SOX6: variants seen among roughly 807,000 people sequenced by gnomAD.
SOX6 encodes transcription factor SOX-6.
In SOX6, 11 loss-of-function variants were observed where a neutral mutation model predicts 97.8. That is an observed-to-expected ratio of 0.11 (90% CI 0.07 to 0.19). SOX6 has a LOEUF of 0.19. Ranked by LOEUF, SOX6 falls within the 10% of genes least tolerant of loss-of-function variation. The pLI, the probability that SOX6 is intolerant of heterozygous loss-of-function variation, is 1.00. For missense variants in SOX6, 810 were observed against 1,039.5 expected (o/e 0.78, Z 3.04); for synonymous variants, 360 against 371.4 (o/e 0.97, Z 0.35).
At chr11:16,029,109 T>C (rs1378562280) in intron 12 of SOX6, among the ~76,000 whole-genome samples, 1 of 152,192 alleles carries the variant, frequency 6.6e-6, no homozygotes, top group Non-Finnish European at 1.5e-5. Flanking sequence ...TAAAAGCAAG[T>C]GCTTCAACAT....
At chr11:16,651,610 G>C (rs1219966647) in intron 3 of SOX6, among the ~76,000 whole-genome samples, 1 of 152,038 alleles carries the variant, frequency 6.6e-6, no homozygotes, top group Admixed American at 6.6e-5. Flanking sequence ...AATTGGCATA[G>C]AAGGGACTTA....
intron 3 of SOX6, among the ~76,000 whole-genome samples, chr11:16,679,408 AG>A (rs1456045445): frequency 1.3e-5 from 2 of 152,210 alleles, no homozygotes; most frequent in Non-Finnish European, 2.9e-5. Context: ...ACGAACAGAA[AG>A]GAATAGCATC....
chr11:16,636,218 G>A (rs1848786986), intron 3 of SOX6, among the ~76,000 whole-genome samples: 1 of 152,210 alleles, frequency 6.6e-6, no homozygotes, highest in Admixed American at 6.5e-5. Context: ...AAAGCTACAG[G>A]GTCAGAGCTG....
chr11:15,972,882 T>A lies in SOX6; in HGVS notation c.2414A>T (p.Asp805Val). ...INGEDEMEMY[D>V]DYEDDPKSDY... ...TGATTTGGGGTCATCTTCATAGTCA[T>A]CATACATTTCCATTTCATCCTCTCC... Residue 805 changes from aspartate to valine, a missense_variant, in exon 16 of 16, where the codon GAT (aspartate) becomes GTT (valine). Physicochemically the swap from Asp to Val is radical, Grantham distance 152. This residue lies in a region of SOX6 where 122 missense variants were observed against 153.4 expected (regional missense o/e 0.80). Coordinates refer to ENST00000683767, the MANE Select transcript of SOX6 (RefSeq NM_001367873.1). 2.5e-6 allele frequency: 4 copies of A among 1,614,236 alleles called. No homozygotes were observed. The highest frequency in any genetic ancestry group is 3.4e-6 in the Non-Finnish European group (4 of 1,180,036).
intron 3 of SOX6, among the ~76,000 whole-genome samples, chr11:16,673,319 G>A (rs1033171383): frequency 1.3e-4 from 19 of 151,896 alleles, no homozygotes; most frequent in African/African-American, 4.6e-4. Context: ...GAAACAAAAC[G>A]TTGTCTTTTT....
intron 4 of SOX6, among the ~76,000 whole-genome samples, chr11:16,498,570 C>T (rs11517753): frequency 0.18 from 26,900 of 151,982 alleles, 2,779 homozygotes; most frequent in Admixed American, 0.31. Context: ...ACCCATCTCA[C>T]GTGCAGAGAC....
chr11:16,673,678 C>T (rs573343748), intron 3 of SOX6, among the ~76,000 whole-genome samples: 18 of 152,060 alleles, frequency 1.2e-4, no homozygotes, highest in Non-Finnish European at 2.6e-4. Flanking sequence ...ATTTAAAGAA[C>T]TAATATCAAT....
At chr11:16,055,052 C>T (rs1176092300) in intron 10 of SOX6, among the ~76,000 whole-genome samples, 3 of 151,994 alleles carry the variant, frequency 2.0e-5, no homozygotes, top group Non-Finnish European at 4.4e-5. Flanking sequence ...GCATCAAAAG[C>T]GTTATTAGGC....
At chr11:16,237,860 T>C (rs1034605268) in intron 3 of SOX6, among the ~76,000 whole-genome samples, 4 of 152,128 alleles carry the variant, frequency 2.6e-5, no homozygotes, top group African/African-American at 7.2e-5. Context: ...GTTTAATGTC[T>C]TTAAGTTGTC....
intron 4 of SOX6, among the ~76,000 whole-genome samples, chr11:16,599,867 G>C (rs536922310): frequency 1.3e-5 from 2 of 152,138 alleles, no homozygotes; most frequent in African/African-American, 4.8e-5. Context: ...GATATATTAG[G>C]GGTCTTAGAG....
chr11:16,527,186 C>T (rs1203382258), intron 4 of SOX6, among the ~76,000 whole-genome samples: 1 of 152,062 alleles, frequency 6.6e-6, no homozygotes, highest in South Asian at 2.1e-4. Context: ...AAAAAATCAA[C>T]CTAGGCAATT....
chr11:16,714,260 A>C (rs1020214427), intron 3 of SOX6, among the ~76,000 whole-genome samples: 28 of 152,112 alleles, frequency 1.8e-4, no homozygotes, highest in Non-Finnish European at 3.4e-4. Flanking sequence ...GGAAAAAAAA[A>C]ATCTGCTTCC....
At chr11:16,457,454 A>T (rs140726811) in intron 1 of SOX6, among the ~76,000 whole-genome samples, 64 of 152,208 alleles carry the variant, frequency 4.2e-4, no homozygotes, top group African/African-American at 1.3e-3. Flanking sequence ...AATGTCTAAA[A>T]CAAAAGAAAC....
chr11:15,976,325 C>T (rs1417501787), intron 15 of SOX6, among the ~76,000 whole-genome samples: 2 of 152,088 alleles, frequency 1.3e-5, no homozygotes, highest in Non-Finnish European at 2.9e-5. Context: ...GCTGTGTGAT[C>T]CTGGGCAGGC....
At chr11:16,458,701 G>A (rs1037431571) in intron 1 of SOX6, among the ~76,000 whole-genome samples, 7 of 152,014 alleles carry the variant, frequency 4.6e-5, no homozygotes, top group African/African-American at 9.7e-5. Context: ...GACTAACAGC[G>A]ACCAGATTTA....
At chr11:16,288,977 G>A (rs1426922259) in intron 3 of SOX6, among the ~76,000 whole-genome samples, 1 of 151,690 alleles carries the variant, frequency 6.6e-6, no homozygotes, top group African/African-American at 2.4e-5. Flanking sequence ...TCCACAAACT[G>A]ATAATTATTC....
chr11:16,267,659 T>A (rs1408587871), intron 3 of SOX6, among the ~76,000 whole-genome samples: 2 of 151,498 alleles, frequency 1.3e-5, no homozygotes, highest in African/African-American at 4.8e-5. Flanking sequence ...CCTAAAAATA[T>A]AATTAACATA....
intron 4 of SOX6, among the ~76,000 whole-genome samples, chr11:16,229,359 G>A (rs1231287916): frequency 6.6e-6 from 1 of 151,940 alleles, no homozygotes; most frequent in Non-Finnish European, 1.5e-5. Context: ...AAGTATTCAA[G>A]TTAAAAGATA....
At chr11:16,733,686 C>T (rs1848368805) in intron 2 of SOX6, among the ~76,000 whole-genome samples, 1 of 147,984 alleles carries the variant, frequency 6.8e-6, no homozygotes, top group Non-Finnish European at 1.5e-5. Context: ...TGTAACAAAC[C>T]TTCATGTTCT....
Sources: gnomAD v4.1 joint callset for allele counts (sites outside exome capture counted in the v4.1 genomes callset) on GRCh38, gnomAD v4.1.1 for gene constraint, gnomAD v4.1.1 regional missense constraint, MANE v1.5 for transcripts, NCBI Gene and HGNC (gene_info 2026-07-23, HGNC 2026-07-21) for gene names.